MTA1: variants seen among roughly 807,000 people sequenced by gnomAD.
The protein encoded by MTA1 is metastasis associated 1.
MTA1 carries 15 observed loss-of-function variants against 97.0 expected under a neutral mutation model. The ratio of observed to expected loss-of-function variants is 0.15; its 90% CI spans 0.10 to 0.24. MTA1 has a LOEUF of 0.24. MTA1 is among the 10% of genes least tolerant of loss of function. MTA1 has a pLI of 1.00. For missense variants in MTA1, 709 were observed against 1,015.1 expected (o/e 0.70, Z 4.10); for synonymous variants, 435 against 417.5 (o/e 1.04, Z -0.51).
chr14:105,462,606 C>G (rs770831282), intron 10 of MTA1, among the ~76,000 whole-genome samples: 55 of 151,392 alleles, frequency 3.6e-4, no homozygotes, highest in Non-Finnish European at 5.9e-4. Context: ...GGCATGGTGG[C>G]TTATGCCTAT....
At position 105,460,518 on chromosome 14, in the gene MTA1, C is replaced by T. The variant is rs1006353348; in HGVS notation, c.753+61C>T. 40 of 1,469,438 alleles carry T rather than the reference C, an allele frequency of 2.7e-5. No homozygotes were observed. In the Middle Eastern group the frequency reaches 7.2e-4, roughly 26 times the overall value. 91.0% of individuals were successfully genotyped at this position (1,469,438 alleles called of 1,614,324 possible). ...GGTGGCCCATGGCCCAGAGTGGCTG[C>T]GCCCTTCTTCCTACCAGGGCCCAGC... On this transcript the variant is annotated intron_variant, in intron 9 of 20. Transcript: ENST00000331320.
In MTA1 at chr14:105,422,269, C is replaced by T. The variant is rs1322523724; in HGVS notation, c.28+2206C>T. The stretch of plus-strand genomic sequence containing the variant: ...GGGTTCCGGCAGGACCCCGGCAGAG[C>T]CCTGTGGTCGCAGTGGGCTGGGCAT... On this transcript the variant is annotated intron_variant, in intron 1 of 20. Transcript: ENST00000331320. This position sits in a 1 kb window ranked among gnomAD's most constrained non-coding sequence, Gnocchi z 4.3. Among the ~76,000 whole-genome samples, 4 of 152,138 alleles carry T rather than the reference C, an allele frequency of 2.6e-5. No individual in the cohort carries two copies. Among genetic ancestry groups the T allele is most frequent in the Non-Finnish European group, 5.9e-5 (4 of 68,028 alleles).
intron 2 of MTA1, among the ~76,000 whole-genome samples, chr14:105,441,775 C>A (rs1267807389): frequency 6.6e-6 from 1 of 152,064 alleles, no homozygotes; most frequent in Non-Finnish European, 1.5e-5. Flanking sequence ...GCCTGGGCGA[C>A]AGAGCGAGAC....
intron 6 of MTA1, among the ~76,000 whole-genome samples, chr14:105,452,254 G>A (rs2082973386): frequency 6.6e-6 from 1 of 152,244 alleles, no homozygotes; most frequent in Admixed American, 6.5e-5. Context: ...CACTGATGAA[G>A]TCCTGATAAA....
At chr14:105,431,450 G>A (rs587624678) in intron 1 of MTA1, among the ~76,000 whole-genome samples, 1 of 152,260 alleles carries the variant, frequency 6.6e-6, no homozygotes, top group East Asian at 1.9e-4. Flanking sequence ...CCAACATCAG[G>A]AACAACAGAT....
rs138231088 is a variant in MTA1 at position 105,426,322 on chromosome 14, C to T, written c.28+6259C>T. On this transcript the variant is annotated intron_variant, in intron 1 of 20. Transcript: ENST00000331320. ...TGAGCCCATGGATGTTGCAGTGAGC[C>T]GAGATCACGCCACTGCACTCCAGCC... Among the ~76,000 whole-genome samples, 18 of 140,696 alleles carry T rather than the reference C, an allele frequency of 1.3e-4. No individual in the cohort carries two copies. In the South Asian group the frequency reaches 1.8e-3, roughly 14 times the overall value. The allele number at this position is 140,696 out of a possible 152,430, so 92.3% of individuals were successfully genotyped here.
At position 105,464,447 on chromosome 14, in the gene MTA1, T is replaced by C; in HGVS notation, c.1224T>C (p.Gly408=). ...TTQSYQWYSW[G]PPNMQCRLCA... Reference sequence around the variant, plus strand: ...AGTCTTACCAGTGGTATTCTTGGGGTCCCCCTAACATGCAGTGTCGTCTCT... The same window carrying C: ...AGTCTTACCAGTGGTATTCTTGGGGCCCCCCTAACATGCAGTGTCGTCTCT... The change falls in exon 14 of 21, where the codon GGT becomes GGC. Residue 408 remains glycine (G), a synonymous_variant. Coordinates refer to ENST00000331320, the MANE Select transcript of MTA1 (RefSeq NM_004689.4). 1 of 1,613,516 alleles carries C rather than the reference T, an allele frequency of 6.2e-7. No homozygotes were observed. The highest frequency in any genetic ancestry group is 8.5e-7 in the Non-Finnish European group (1 of 1,179,910).
chr14:105,469,538 C>T (rs1456880714), intron 19 of MTA1, 40 bp downstream of exon 19: 1 of 1,606,340 alleles, frequency 6.2e-7, no homozygotes, highest in Non-Finnish European at 8.5e-7. Flanking sequence ...GTGCGCTCAC[C>T]CATGAGCTCT....
In MTA1 at chr14:105,463,903, T is replaced by C. The variant is rs2083458171; in HGVS notation, c.1077-129T>C. On this transcript the variant is annotated intron_variant, in intron 12 of 20. Coordinates refer to ENST00000331320, the MANE Select transcript of MTA1 (RefSeq NM_004689.4). This position sits in a 1 kb window ranked among gnomAD's most constrained non-coding sequence, Gnocchi z 5.9. ...CTGAAAGGGGAGAAAGGAAGATCCC[T>C]GCCGAGGCCGAGGGGTGCGAGGACG... 1.2e-6 allele frequency: 1 copy of C among 867,264 alleles called. No individual in the cohort carries two copies. The highest frequency in any genetic ancestry group is 2.5e-5 in the East Asian group (1 of 39,658). The allele number at this position is 867,264 out of a possible 1,614,324, so 53.7% of individuals were successfully genotyped here. A position where few individuals can be genotyped will look rare whatever the true frequency, so the allele number is the denominator to read the frequency against.
chr14:105,470,419 T>A lies in MTA1; in HGVS notation c.*204T>A. On this transcript the variant is annotated 3_prime_UTR_variant, in exon 21 of 21. Transcript: ENST00000331320. ...CGAGAATGCCGAGGAGTTGTCGTTT[T>A]TAGCTTTGTGTTTACTTTTTGGCTG... 1 of 505,992 alleles carries A rather than the reference T, an allele frequency of 2.0e-6. No individual in the cohort carries two copies. Among genetic ancestry groups the A allele is most frequent in the Non-Finnish European group, 3.3e-6 (1 of 300,580 alleles). 31.3% of individuals were successfully genotyped at this position (505,992 alleles called of 1,614,324 possible).
chr14:105,466,235 AGGGCTTCT>A (rs1363900104), intron 16 of MTA1, 183 bp from the exon 17 acceptor site: 1 of 584,418 alleles, frequency 1.7e-6, no homozygotes, highest in East Asian at 2.9e-5. Context: ...CGCCTTGCCG[AGGGCTTCT>A]GGGCTTCTGG....
Position 105,463,414 on chromosome 14 carries a change from C to A in MTA1, c.1018-79C>A. On this transcript the variant is annotated intron_variant, in intron 11 of 20. Transcript: ENST00000331320. The surrounding 1 kb of genome is among the most constrained non-coding windows in gnomAD (Gnocchi z 5.9). ...GTCCTCTCCGTGGTGCTCTCCTCTC[C>A]GTAGCCTCCAGCCTGTCTGCACTGC... 1 of 1,544,346 alleles carries A rather than the reference C, an allele frequency of 6.5e-7. No homozygotes were observed.
rs1285410974 is a variant in MTA1 at position 105,463,918 on chromosome 14, G to A, written c.1077-114G>A. 6.2e-6 allele frequency: 6 copies of A among 960,182 alleles called. No homozygotes were observed. Among genetic ancestry groups the A allele is most frequent in the South Asian group, 1.3e-5 (1 of 75,450 alleles). The allele number at this position is 960,182 out of a possible 1,614,324, so 59.5% of individuals were successfully genotyped here. A position where few individuals can be genotyped will look rare whatever the true frequency, so the allele number is the denominator to read the frequency against. ...GGAAGATCCCTGCCGAGGCCGAGGG[G>A]TGCGAGGACGTGGTTCTGGACAAGG... On this transcript the variant is annotated intron_variant, in intron 12 of 20. Coordinates refer to ENST00000331320, the MANE Select transcript of MTA1 (RefSeq NM_004689.4). This position sits in a 1 kb window ranked among gnomAD's most constrained non-coding sequence, Gnocchi z 5.9.
At chr14:105,440,787 G>A (rs587627809) in intron 2 of MTA1, among the ~76,000 whole-genome samples, 86 of 152,374 alleles carry the variant, frequency 5.6e-4, no homozygotes, top group Non-Finnish European at 8.2e-4. Flanking sequence ...AAAAGAACCC[G>A]CAGGCCTGCG....
chr14:105,454,513 T>G, intron 7 of MTA1: 1 of 508,346 alleles, frequency 2.0e-6, no homozygotes, highest in South Asian at 2.2e-5. Flanking sequence ...CTCCTGGTGG[T>G]GTTGGGGTTC....
At chr14:105,468,588 G>A (rs2083694756) in intron 18 of MTA1, among the ~76,000 whole-genome samples, 1 of 152,230 alleles carries the variant, frequency 6.6e-6, no homozygotes. Context: ...GTGGGGAGGG[G>A]CTGGACAGGC....
intron 1 of MTA1, among the ~76,000 whole-genome samples, chr14:105,428,605 G>C (rs1312928153): frequency 6.6e-6 from 1 of 152,120 alleles, no homozygotes; most frequent in African/African-American, 2.4e-5. Flanking sequence ...AGGAATCCTT[G>C]AACTTTGTTC....
intron 3 of MTA1, chr14:105,449,133 C>T (rs889064821): frequency 1.9e-6 from 1 of 517,772 alleles, no homozygotes; most frequent in Non-Finnish European, 3.4e-6. Context: ...CTTGTCTGGG[C>T]TCTTCCCAAA....
In MTA1 at chr14:105,420,098, C is replaced by T; in HGVS notation, c.28+35C>T. On this transcript the variant is annotated intron_variant, in intron 1 of 20. Transcript: ENST00000331320. This position sits in a 1 kb window ranked among gnomAD's most constrained non-coding sequence, Gnocchi z 5.3. Reference sequence around the variant, plus strand: ...CACCGCCTTTATGCCCGGCCCCGACCCGCCCGCAGCCCCCACCCGCCGCCG... The same window carrying T: ...CACCGCCTTTATGCCCGGCCCCGACTCGCCCGCAGCCCCCACCCGCCGCCG... 3 of 1,008,766 alleles carry T rather than the reference C, an allele frequency of 3.0e-6. No individual in the cohort carries two copies. The highest frequency in any genetic ancestry group is 3.6e-6 in the Non-Finnish European group (3 of 839,906). 62.5% of individuals were successfully genotyped at this position (1,008,766 alleles called of 1,614,324 possible). A position where few individuals can be genotyped will look rare whatever the true frequency, so the allele number is the denominator to read the frequency against.
Sources: allele counts gnomAD v4.1 joint callset (sites outside exome capture counted in the v4.1 genomes callset), GRCh38; gene constraint gnomAD v4.1.1; non-coding constraint Gnocchi (gnomAD v3.1); transcripts MANE v1.5; gene names NCBI Gene and HGNC (gene_info 2026-07-23, HGNC 2026-07-21).